The following SLC39A10 variants were observed in gnomAD, a reference collection of about 807,000 sequenced individuals.
SLC39A10 encodes the protein zinc transporter ZIP10.
SLC39A10 carries 13 observed loss-of-function variants against 65.1 expected under a neutral mutation model. The ratio of observed to expected loss-of-function variants is 0.20; its 90% confidence interval spans 0.13 to 0.32. The LOEUF (loss-of-function observed/expected upper bound fraction) is 0.32, where lower values mean the gene tolerates loss of function less well. SLC39A10 is among the 10% of genes least tolerant of loss of function. SLC39A10 has a pLI of 1.00. For synonymous variants in SLC39A10, 321 were observed against 342.2 expected (o/e 0.94, Z 0.68); for missense variants, 831 against 1,018.4 (o/e 0.82, Z 2.50).
chr2:195,625,283 CT>C (rs1306314171), intron 2 of SLC39A10, among the ~76,000 whole-genome samples: 3 of 139,744 alleles, frequency 2.1e-5, no homozygotes, highest in Admixed American at 7.4e-5. Flanking sequence ...CTTTTTTTTT[CT>C]TTTTTTTTGA....
chr2:195,670,093 A>T (rs1453027323), intron 1 of SLC39A10, among the ~76,000 whole-genome samples: 1 of 152,188 alleles, frequency 6.6e-6, no homozygotes, highest in Non-Finnish European at 1.5e-5. Context: ...CTGGAGCTGG[A>T]GGTTGCAGTG....
At chr2:195,628,815 C>T (rs2105694607) in intron 2 of SLC39A10, among the ~76,000 whole-genome samples, 1 of 152,304 alleles carries the variant, frequency 6.6e-6, no homozygotes, top group Non-Finnish European at 1.5e-5. Context: ...TATTCTTAAG[C>T]AATGTTATCC....
At chr2:195,687,145 C>T (rs1208952813) in intron 3 of SLC39A10, among the ~76,000 whole-genome samples, 4 of 152,002 alleles carry the variant, frequency 2.6e-5, no homozygotes, top group Non-Finnish European at 2.9e-5. Context: ...GATGAATAAG[C>T]GCCCTGAGAG....
At position 195,698,653 on chromosome 2, in the gene SLC39A10, A is replaced by G. The variant is rs75915830; in HGVS notation, c.1217-7963A>G. ...AACTTTTATTGCATTCCAGCAATAA[A>G]TCCCATTTAGTCAGGTTGTATAATC... On this transcript the variant is annotated intron_variant, in intron 3 of 9. Coordinates refer to ENST00000359634, the MANE Select transcript of SLC39A10 (RefSeq NM_020342.3). Among the ~76,000 whole-genome samples the G allele has an allele frequency of 9.7e-3, 1,469 of 151,110 alleles. 23 individuals are homozygous for G. Among genetic ancestry groups the G allele is most frequent in the African/African-American group, 0.033 (1,373 of 41,280 alleles).
At chr2:195,644,271 A>G (rs2105707576) in intron 2 of SLC39A10, among the ~76,000 whole-genome samples, 1 of 150,410 alleles carries the variant, frequency 6.6e-6, no homozygotes, top group Admixed American at 6.6e-5. Flanking sequence ...CCGAAGTGGG[A>G]GGATTGCTTG....
At chr2:195,635,708 CT>C (rs61132041) in intron 2 of SLC39A10, among the ~76,000 whole-genome samples, 42 of 141,768 alleles carry the variant, frequency 3.0e-4, no homozygotes, top group Middle Eastern at 3.6e-3. Context: ...ACCCCCCCCA[CT>C]TTTTTTTTTT....
At chr2:195,706,566 G>C (rs751684682) in intron 3 of SLC39A10, 50 bp from the exon 4 acceptor site, 35 of 1,509,594 alleles carry the variant, frequency 2.3e-5, no homozygotes, top group Non-Finnish European at 3.2e-5. Context: ...TTGGTAGTCT[G>C]TTGGTTTAAA....
chr2:195,734,742 G>A, intron 9 of SLC39A10, 141 bp from the exon 10 acceptor site: 1 of 783,318 alleles, frequency 1.3e-6, no homozygotes, highest in Non-Finnish European at 1.9e-6. Flanking sequence ...CATCTGGTGG[G>A]TAGCATTGTG....
At chr2:195,641,747 A>T (rs556333206) in intron 2 of SLC39A10, among the ~76,000 whole-genome samples, 1 of 145,732 alleles carries the variant, frequency 6.9e-6, no homozygotes, top group Non-Finnish European at 1.5e-5. Context: ...GCTGGAGTGC[A>T]GTGGTGCAAT....
Position 195,620,030 on chromosome 2 carries a change from C to G in SLC39A10, c.-12+13797C>G, listed in dbSNP as rs150622658. ...CTCTGCCTCCCGGGCTCAAGCGATT[C>G]TCTTACCTCAGCCTCCCAAGTAGCT... On this transcript the variant is annotated intron_variant, in intron 2 of 2. Coordinates refer to the SLC39A10 transcript ENST00000458054. 6.1e-3 allele frequency among the ~76,000 whole-genome samples: 936 copies of G among 152,334 alleles called. 6 individuals are homozygous for G. The highest frequency in any genetic ancestry group is 0.01 in the Non-Finnish European group (710 of 68,028).
intron 1 of SLC39A10, among the ~76,000 whole-genome samples, chr2:195,675,760 C>T (rs553252101): frequency 1.9e-4 from 29 of 152,266 alleles, no homozygotes; most frequent in Middle Eastern, 3.4e-3. Flanking sequence ...TGTGTCTTTG[C>T]GTGCCTAAGT....
intron 2 of SLC39A10, among the ~76,000 whole-genome samples, chr2:195,681,618 G>A (rs1215269936): frequency 2.0e-5 from 3 of 152,014 alleles, no homozygotes; most frequent in Non-Finnish European, 2.9e-5. Flanking sequence ...AAATCCAAAC[G>A]TATTTTTAAG....
chr2:195,632,770 T>TAATC (rs10622333), intron 2 of SLC39A10, among the ~76,000 whole-genome samples: 152,270 of 152,330 alleles, frequency 1, 76,105 homozygotes, highest in Middle Eastern at 1. Context: ...ACCTCTAAAA[T>TAATC]AATTCTGATG....
At chr2:195,732,528 C>T (rs994528575) in intron 9 of SLC39A10, among the ~76,000 whole-genome samples, 1 of 152,106 alleles carries the variant, frequency 6.6e-6, no homozygotes, top group African/African-American at 2.4e-5. Flanking sequence ...TGTGGCAAAG[C>T]CATAGTTCCT....
chr2:195,625,708 C>G (rs1367987927), intron 2 of SLC39A10, among the ~76,000 whole-genome samples: 2 of 152,178 alleles, frequency 1.3e-5, no homozygotes, highest in South Asian at 4.1e-4. Flanking sequence ...CAGGAAAATG[C>G]ATATTTAAGA....
chr2:195,650,282 CA>C (rs35680880), intron 2 of SLC39A10, among the ~76,000 whole-genome samples: 73,296 of 118,108 alleles, frequency 0.62, 20,760 homozygotes, highest in Non-Finnish European at 0.68. Context: ...ACTCCTCCTC[CA>C]AAAAAAAAAA....
chr2:195,639,645 G>A (rs923345597), intron 2 of SLC39A10, among the ~76,000 whole-genome samples: 2 of 152,046 alleles, frequency 1.3e-5, no homozygotes, highest in Admixed American at 1.3e-4. Flanking sequence ...GTGCAGTGAC[G>A]CAATCTCTGC....
chr2:195,709,154 A>G (rs1017365033), intron 5 of SLC39A10, among the ~76,000 whole-genome samples: 4 of 152,116 alleles, frequency 2.6e-5, no homozygotes, highest in Admixed American at 2.6e-4. Flanking sequence ...CCTCCCGAGT[A>G]GCTGGGACCA....
chr2:195,639,880 A>C (rs573774822), intron 2 of SLC39A10, among the ~76,000 whole-genome samples: 1 of 152,258 alleles, frequency 6.6e-6, no homozygotes, highest in African/African-American at 2.4e-5. Context: ...TAATACTTAC[A>C]GATGGAAAAT....
Sources: allele counts gnomAD v4.1 joint callset (sites outside exome capture counted in the v4.1 genomes callset), GRCh38; gene constraint gnomAD v4.1.1; transcripts MANE v1.5; gene names NCBI Gene and HGNC (gene_info 2026-07-23, HGNC 2026-07-21).